MALRD1: variants seen among roughly 807,000 people sequenced by gnomAD.
The protein encoded by MALRD1 is MAM and LDL receptor class A domain containing 1.
In MALRD1, 247 loss-of-function variants were observed where a neutral mutation model predicts 242.1. The observed-to-expected ratio is 1.02, with a 90% confidence interval of 0.92 to 1.13. The LOEUF (loss-of-function observed/expected upper bound fraction) is 1.13. MALRD1 is among the 50% of genes most tolerant of loss of function. MALRD1 has a pLI of 0.00. For missense variants in MALRD1, 2,989 were observed against 2,533.1 expected (o/e 1.18, Z -3.86); for synonymous variants, 995 against 866.6 (o/e 1.15, Z -2.60).
chr10:19,406,546 G>A (rs1291706023), intron 28 of MALRD1, among the ~76,000 whole-genome samples: 2 of 152,104 alleles, frequency 1.3e-5, no homozygotes, highest in Admixed American at 1.3e-4. Flanking sequence ...TTTGCCTCCG[G>A]TAACCTGGCT....
intron 17 of MALRD1, among the ~76,000 whole-genome samples, chr10:19,208,649 G>A (rs1836896792): frequency 6.6e-6 from 1 of 152,046 alleles, no homozygotes; most frequent in Non-Finnish European, 1.5e-5. Context: ...TGGATTTCTG[G>A]GCTTCACCCT....
rs138278352 is a variant in MALRD1 at position 19,118,088 on chromosome 10, A to G, written c.695-5404A>G. 3.2e-3 allele frequency among the ~76,000 whole-genome samples: 487 copies of G among 152,322 alleles called. 6 individuals are homozygous for G. The highest frequency in any genetic ancestry group is 7.5e-3 in the Admixed American group (115 of 15,294). On this transcript the variant is annotated intron_variant, in intron 5 of 39. Coordinates refer to ENST00000454679, the MANE Select transcript of MALRD1 (RefSeq NM_001142308.3). Reference sequence around the variant, plus strand: ...GAACAGTAAAGCAAAAAACTGTGATAAGAAGTTCTAGAAATGAGGATGAGA... The same window carrying G: ...GAACAGTAAAGCAAAAAACTGTGATGAGAAGTTCTAGAAATGAGGATGAGA...
chr10:19,430,784 G>T (rs1486517807), intron 28 of MALRD1, among the ~76,000 whole-genome samples: 1 of 152,200 alleles, frequency 6.6e-6, no homozygotes, highest in East Asian at 1.9e-4. Context: ...CTGCGCTAAG[G>T]AGTATTAAAA....
At chr10:19,227,629 C>A (rs1236785839) in intron 18 of MALRD1, among the ~76,000 whole-genome samples, 1 of 151,800 alleles carries the variant, frequency 6.6e-6, no homozygotes, top group African/African-American at 2.4e-5. Flanking sequence ...GAAATTAAAA[C>A]GTTTGCAATT....
chr10:19,103,441 G>T (rs970635535), intron 4 of MALRD1, among the ~76,000 whole-genome samples: 1 of 151,088 alleles, frequency 6.6e-6, no homozygotes, highest in Non-Finnish European at 1.5e-5. Context: ...GGCGCCTGTA[G>T]TCCCAGCTAC....
intron 18 of MALRD1, among the ~76,000 whole-genome samples, chr10:19,217,708 G>T (rs182932675): frequency 5.6e-4 from 84 of 151,034 alleles, no homozygotes; most frequent in South Asian, 1.0e-3. Flanking sequence ...TGTATTTTTA[G>T]TAGAGACGGA....
chr10:19,724,976 T>C (rs572075091), intron 38 of MALRD1: 35 of 152,214 alleles, frequency 2.3e-4, no homozygotes, highest in African/African-American at 8.4e-4. Context: ...CTGTTGACAA[T>C]AGCATCTAAA....
At chr10:19,101,261 T>TA (rs397780078) in intron 4 of MALRD1, among the ~76,000 whole-genome samples, 4 of 146,836 alleles carry the variant, frequency 2.7e-5, no homozygotes, top group African/African-American at 7.4e-5. Flanking sequence ...TATATATATA[T>TA]TCAAAATATA....
chr10:19,486,065 G>A (rs1020267336), intron 29 of MALRD1, among the ~76,000 whole-genome samples: 1 of 150,510 alleles, frequency 6.6e-6, no homozygotes, highest in Non-Finnish European at 1.5e-5. Context: ...AAAGAAAAAT[G>A]CGACAAAATG....
At chr10:19,263,933 C>A (rs1839862527) in intron 19 of MALRD1, among the ~76,000 whole-genome samples, 1 of 152,028 alleles carries the variant, frequency 6.6e-6, no homozygotes, top group East Asian at 1.9e-4. Context: ...TTGTAGTTCT[C>A]TATGAATTTT....
intron 29 of MALRD1, among the ~76,000 whole-genome samples, chr10:19,481,439 A>G (rs1375945421): frequency 6.6e-6 from 1 of 152,216 alleles, no homozygotes; most frequent in Admixed American, 6.5e-5. Context: ...GTCATGTAAT[A>G]TCAAATCATT....
At chr10:19,513,661 C>A (rs1564404255) in intron 31 of MALRD1, among the ~76,000 whole-genome samples, 1 of 151,938 alleles carries the variant, frequency 6.6e-6, no homozygotes. Flanking sequence ...ATGGTGTGAA[C>A]CCGGGAGGCG....
intron 34 of MALRD1, among the ~76,000 whole-genome samples, chr10:19,600,700 C>T (rs559591468): frequency 4.6e-5 from 7 of 152,134 alleles, no homozygotes; most frequent in African/African-American, 1.7e-4. Context: ...CATGCAGCAA[C>T]GATAATCGAT....
chr10:19,161,898 C>T (rs1021395250), intron 12 of MALRD1, among the ~76,000 whole-genome samples: 4 of 151,920 alleles, frequency 2.6e-5, no homozygotes, highest in Non-Finnish European at 5.9e-5. Context: ...CGTGGTAGCA[C>T]GTGCCTGTAG....
chr10:19,087,634 G>A (rs977693189), intron 2 of MALRD1, among the ~76,000 whole-genome samples: 2 of 151,336 alleles, frequency 1.3e-5, no homozygotes, highest in African/African-American at 2.4e-5. Flanking sequence ...TATCCAATGC[G>A]TAATAATCAC....
At chr10:19,490,792 A>C (rs1284774519) in intron 29 of MALRD1, among the ~76,000 whole-genome samples, 1 of 152,188 alleles carries the variant, frequency 6.6e-6, no homozygotes, top group Non-Finnish European at 1.5e-5. Flanking sequence ...TGCTGGCTTG[A>C]CTATTTTTTT....
intron 33 of MALRD1, among the ~76,000 whole-genome samples, chr10:19,583,375 C>G (rs1837227083): frequency 6.6e-6 from 1 of 150,866 alleles, no homozygotes; most frequent in Non-Finnish European, 1.5e-5. Flanking sequence ...GTAGATAGCT[C>G]TTATTATTTT....
chr10:19,589,892 G>A (rs1028476291), intron 33 of MALRD1, among the ~76,000 whole-genome samples: 6 of 151,852 alleles, frequency 4.0e-5, no homozygotes, highest in African/African-American at 4.8e-5. Flanking sequence ...TGCTCTGAGC[G>A]TGTTTGGCTC....
At chr10:19,312,708 ACTT>A (rs1842483213) in intron 21 of MALRD1, among the ~76,000 whole-genome samples, 1 of 151,326 alleles carries the variant, frequency 6.6e-6, no homozygotes. Context: ...CCCATCAACT[ACTT>A]CTACACTGCT....
Sources: allele counts gnomAD v4.1 joint callset (sites outside exome capture counted in the v4.1 genomes callset), GRCh38; gene constraint gnomAD v4.1.1; transcripts MANE v1.5; gene names NCBI Gene and HGNC (gene_info 2026-07-23, HGNC 2026-07-21).